The following ADAMTS2 variants were observed in gnomAD, a reference collection of about 807,000 sequenced individuals.
ADAMTS2 encodes A disintegrin and metalloproteinase with thrombospondin motifs 2.
Under a neutral mutation model 123.0 loss-of-function variants are expected in ADAMTS2, and 50 were observed. That is an observed-to-expected ratio of 0.41 (90% CI 0.32 to 0.51). The LOEUF is 0.51. Among genes scored for constraint, ADAMTS2 ranks in the 20% least tolerant of loss-of-function variants. ADAMTS2 has a pLI of 0.35. For missense variants in ADAMTS2, 1,494 were observed against 1,705.2 expected (o/e 0.88, Z 2.18); for synonymous variants, 678 against 695.4 (o/e 0.98, Z 0.39).
rs959847435 is a variant in ADAMTS2, at chr5:179,308,018, T to C, written c.535-34954A>G. On this transcript the variant is annotated intron_variant, in intron 2 of 21. Coordinates refer to ENST00000251582, the MANE Select transcript of ADAMTS2 (RefSeq NM_014244.5). This position sits in a 1 kb window ranked among gnomAD's most constrained non-coding sequence, Gnocchi z 6.6. ...TGCCTGGCATCTCACAGGCATGGAG[T>C]TGAGTACGGGAGGTCGCCGGCCCTC... 6.6e-6 allele frequency among the ~76,000 whole-genome samples: 1 copy of C among 151,996 alleles called. No homozygotes were observed. Among genetic ancestry groups the C allele is most frequent in the Admixed American group, 6.6e-5 (1 of 15,262 alleles).
At chr5:179,280,911 G>A (rs1482238089) in intron 2 of ADAMTS2, among the ~76,000 whole-genome samples, 1 of 152,030 alleles carries the variant, frequency 6.6e-6, no homozygotes, top group East Asian at 1.9e-4. Flanking sequence ...AGGCTGGAGT[G>A]CAGTGGCGCA....
intron 3 of ADAMTS2, 64 bp from the exon 4 acceptor site, chr5:179,207,779 C>G: frequency 6.7e-7 from 1 of 1,482,968 alleles, no homozygotes; most frequent in East Asian, 2.3e-5. Flanking sequence ...ACCTACCAGG[C>G]GCCAGCTTGG....
At chr5:179,169,616 C>T (rs938111212) in intron 5 of ADAMTS2, among the ~76,000 whole-genome samples, 1 of 152,114 alleles carries the variant, frequency 6.6e-6, no homozygotes, top group South Asian at 2.1e-4. Flanking sequence ...GGGTGTGTTT[C>T]CCACCTCATC....
In ADAMTS2 at chr5:179,132,202, C is replaced by A. The variant is rs185546686; in HGVS notation, c.2290+28G>T. ...TCCCAGAGGAGCCAGGTCCTGAGGACGTCAAGTTGTCCGGCTCTGAGACTC... is the reference window on the plus strand; with the variant it reads ...TCCCAGAGGAGCCAGGTCCTGAGGAAGTCAAGTTGTCCGGCTCTGAGACTC... On this transcript the variant is annotated intron_variant, in intron 15 of 21. Coordinates refer to ENST00000251582, the MANE Select transcript of ADAMTS2 (RefSeq NM_014244.5). This position sits in a 1 kb window ranked among gnomAD's most constrained non-coding sequence, Gnocchi z 6.1. 3 of 1,608,920 alleles carry A rather than the reference C, an allele frequency of 1.9e-6. No individual in the cohort carries two copies. Among genetic ancestry groups the A allele is most frequent in the Non-Finnish European group, 2.6e-6 (3 of 1,176,180 alleles).
At chr5:179,267,592 G>A (rs531902726) in intron 3 of ADAMTS2, among the ~76,000 whole-genome samples, 36 of 152,314 alleles carry the variant, frequency 2.4e-4, no homozygotes, top group Non-Finnish European at 4.0e-4. Flanking sequence ...AGGCCGGGGC[G>A]AGCCCCAGGA....
intron 3 of ADAMTS2, among the ~76,000 whole-genome samples, chr5:179,266,034 G>A (rs1243150467): frequency 2.6e-5 from 4 of 152,176 alleles, no homozygotes; most frequent in African/African-American, 7.2e-5. Flanking sequence ...CTATCACCAC[G>A]CCAGAGGCCC....
chr5:179,151,047 C>G (rs1763346956), intron 10 of ADAMTS2: 1 of 252,964 alleles, frequency 4.0e-6, no homozygotes, highest in South Asian at 3.7e-5. Flanking sequence ...CAGGCACCCA[C>G]CACCGCGCCC....
chr5:179,233,301 A>T (rs537530470), intron 3 of ADAMTS2, among the ~76,000 whole-genome samples: 1 of 152,338 alleles, frequency 6.6e-6, no homozygotes, highest in East Asian at 1.9e-4. Flanking sequence ...ATCTCCCATG[A>T]CTGTGACAGT....
intron 5 of ADAMTS2, among the ~76,000 whole-genome samples, chr5:179,167,713 G>T (rs896623968): frequency 1.3e-5 from 2 of 152,218 alleles, no homozygotes; most frequent in African/African-American, 4.8e-5. Flanking sequence ...CTCTAGGCCC[G>T]GCCGAAATAT....
chr5:179,114,358 A>G, intron 21 of ADAMTS2, 34 bp from the exon 22 acceptor site: 1 of 1,593,676 alleles, frequency 6.3e-7, no homozygotes, highest in Admixed American at 1.7e-5. Flanking sequence ...TAACCAAAGG[A>G]CAAGATAAGG....
chr5:179,261,691 G>A (rs879823316), intron 3 of ADAMTS2, among the ~76,000 whole-genome samples: 3 of 152,216 alleles, frequency 2.0e-5, no homozygotes, highest in Non-Finnish European at 4.4e-5. Flanking sequence ...GGCCCCTTGG[G>A]GTGGACAGGA....
chr5:179,292,149 C>A (rs1756207301), intron 2 of ADAMTS2, among the ~76,000 whole-genome samples: 1 of 151,896 alleles, frequency 6.6e-6, no homozygotes. Context: ...AGCACGGTAA[C>A]CACCTTCAAG....
chr5:179,154,113 G>A lies in ADAMTS2; in HGVS notation c.1318C>T (p.Gln440Ter). The A allele has an allele frequency of 1.3e-6, 2 of 1,598,140 alleles. No individual in the cohort carries two copies. Among genetic ancestry groups the A allele is most frequent in the Non-Finnish European group, 8.5e-7 (1 of 1,176,768 alleles). The change falls in exon 8 of 22, where the codon CAG becomes TAG. Residue 440 changes from glutamine (Q) to a stop codon, truncating the protein, a stop_gained. Transcript: ENST00000251582. LOFTEE classifies it high-confidence loss of function. ...CAGTGGAAGCGGTGGAAGGCGGCCTGCACCAGGGGCGCCATGATGCTGCCC... is the reference window on the plus strand; with the variant it reads ...CAGTGGAAGCGGTGGAAGGCGGCCTACACCAGGGGCGCCATGATGCTGCCC... ...RLGSIMAPLVQAAFHRFHWSR... is the reference protein window; with the variant it reads ...RLGSIMAPLV
At chr5:179,315,347 G>A (rs1474803280) in intron 2 of ADAMTS2, among the ~76,000 whole-genome samples, 2 of 152,272 alleles carry the variant, frequency 1.3e-5, no homozygotes, top group African/African-American at 4.8e-5. Context: ...GTCATGTCGG[G>A]ATCCCAGGGC....
At chr5:179,121,552 A>G (rs1411110242) in intron 21 of ADAMTS2, 109 bp downstream of exon 21, 1 of 886,484 alleles carries the variant, frequency 1.1e-6, no homozygotes, top group Non-Finnish European at 1.7e-6. Context: ...GCGCCCGCAG[A>G]GTCAGGGGAG....
chr5:179,259,389 G>C lies in ADAMTS2; in HGVS notation c.688+13522C>G, dbSNP rs535082578. Reference sequence around the variant, plus strand: ...TATGAGGTCAGGGCTGTGCCTGTCTGGTCCCAGAGCCTGGCCCAGTGCCCG... The same window carrying C: ...TATGAGGTCAGGGCTGTGCCTGTCTCGTCCCAGAGCCTGGCCCAGTGCCCG... On this transcript the variant is annotated intron_variant, in intron 3 of 21. Transcript: ENST00000251582. Among the ~76,000 whole-genome samples the C allele has an allele frequency of 7.9e-5, 12 of 152,356 alleles. No individual in the cohort carries two copies. The South Asian group carries it at 2.5e-3, about 32-fold the overall frequency.
chr5:179,121,818 G>C, intron 20 of ADAMTS2, 68 bp from the exon 21 acceptor site: 1 of 1,120,564 alleles, frequency 8.9e-7, no homozygotes, highest in Middle Eastern at 2.2e-4. Flanking sequence ...AGGCAGAGAG[G>C]CTCCGGGTCT....
chr5:179,135,815 T>C, intron 13 of ADAMTS2, 94 bp downstream of exon 13: 1 of 1,565,120 alleles, frequency 6.4e-7, no homozygotes, highest in Admixed American at 1.7e-5. Flanking sequence ...CTTCACCTCA[T>C]GCATCTTGCC....
intron 2 of ADAMTS2, among the ~76,000 whole-genome samples, chr5:179,311,227 G>A (rs928913419): frequency 1.3e-5 from 2 of 152,166 alleles, no homozygotes; most frequent in Admixed American, 6.5e-5. Context: ...AGGGCCTGGC[G>A]CTCCTGGCCC....
Sources: gnomAD v4.1 joint callset for allele counts (sites outside exome capture counted in the v4.1 genomes callset) on GRCh38, gnomAD v4.1.1 for gene constraint, Gnocchi (gnomAD v3.1) non-coding constraint, MANE v1.5 for transcripts, NCBI Gene and HGNC (gene_info 2026-07-23, HGNC 2026-07-21) for gene names.